The following ADGRV1 variants were observed in gnomAD, a reference collection of about 807,000 sequenced individuals.
ADGRV1 encodes adhesion G protein-coupled receptor V1.
A neutral mutation model predicts 596.2 loss-of-function variants in ADGRV1; 359 were observed. The ratio of observed to expected loss-of-function variants is 0.60; its 90% CI spans 0.55 to 0.66. The LOEUF is 0.66. Ranked by LOEUF, ADGRV1 falls within the 30% of genes least tolerant of loss-of-function variation. The pLI, the probability that ADGRV1 is intolerant of heterozygous loss-of-function variation, is 0.00. For synonymous variants in ADGRV1, 2,681 were observed against 2,679.2 expected (o/e 1.00, Z -0.02); for missense variants, 7,274 against 7,575.6 (o/e 0.96, Z 1.48).
chr5:90,730,029 C>T lies in ADGRV1; in HGVS notation c.10549+265C>T, dbSNP rs566405712. ...TACAGGCGTCCGCCACCATGTCTGG[C>T]TAATTTTTTTGTATTTTTAGTAGAG... On this transcript the variant is annotated intron_variant, in intron 50 of 89. Coordinates refer to ENST00000405460, the MANE Select transcript of ADGRV1 (RefSeq NM_032119.4). 4.6e-5 allele frequency among the ~76,000 whole-genome samples: 7 copies of T among 152,206 alleles called. No individual in the cohort carries two copies. In the South Asian group the frequency reaches 1.5e-3, roughly 32 times the overall value.
intron 88 of ADGRV1, among the ~76,000 whole-genome samples, chr5:91,152,663 T>C (rs1328686302): frequency 6.6e-6 from 1 of 152,084 alleles, no homozygotes; most frequent in Non-Finnish European, 1.5e-5. Context: ...TTTGTTTTGT[T>C]TTTGTTTTTG....
chr5:90,612,418 G>A (rs1382634783), intron 1 of ADGRV1, among the ~76,000 whole-genome samples: 1 of 152,038 alleles, frequency 6.6e-6, no homozygotes, highest in Non-Finnish European at 1.5e-5. Flanking sequence ...AGGTGGTGAT[G>A]TGTGATTTGT....
chr5:90,856,274 C>CA (rs1226177394), intron 82 of ADGRV1, among the ~76,000 whole-genome samples: 1 of 151,884 alleles, frequency 6.6e-6, no homozygotes, highest in Non-Finnish European at 1.5e-5. Flanking sequence ...AAAGAATTTT[C>CA]AAAAAAATAC....
At chr5:91,000,841 A>AG (rs1781800529) in intron 85 of ADGRV1, among the ~76,000 whole-genome samples, 1 of 152,076 alleles carries the variant, frequency 6.6e-6, no homozygotes, top group Non-Finnish European at 1.5e-5. Context: ...GGAAAAAAAA[A>AG]TGATGTCCCA....
intron 85 of ADGRV1, among the ~76,000 whole-genome samples, chr5:90,989,406 C>T (rs1220653481): frequency 6.6e-6 from 1 of 152,186 alleles, no homozygotes; most frequent in Non-Finnish European, 1.5e-5. Context: ...CTTTCTACTT[C>T]TTTCACCTTA....
rs535054958 is a variant in ADGRV1 at position 91,108,835 on chromosome 5, G to A, written c.18432+6495G>A. The stretch of plus-strand genomic sequence containing the variant: ...TGGTCTTGAACTCCTGGCCTCGAGT[G>A]ATCCTCCCACCTCAGCCTCCCAAAG... On this transcript the variant is annotated intron_variant, in intron 87 of 89. Coordinates refer to ENST00000405460, the MANE Select transcript of ADGRV1 (RefSeq NM_032119.4). 1.1e-4 allele frequency among the ~76,000 whole-genome samples: 17 copies of A among 152,176 alleles called. No homozygotes were observed. The South Asian group carries it at 3.5e-3, about 32-fold the overall frequency.
chr5:90,652,461 T>A lies in ADGRV1; in HGVS notation c.3532T>A (p.Phe1178Ile). 6.2e-7 allele frequency: 1 copy of A among 1,613,536 alleles called. No individual in the cohort carries two copies. The highest frequency in any genetic ancestry group is 8.5e-7 in the Non-Finnish European group (1 of 1,179,558). The change falls in exon 19 of 90, where the codon TTC becomes ATC. Residue 1178 changes from phenylalanine (F) to isoleucine (I), a missense_variant. Coordinates refer to ENST00000405460, the MANE Select transcript of ADGRV1 (RefSeq NM_032119.4). ...CTATGAAACTTCAGGAACTGTTAAC[T>A]TCATGGATGGAGAAGAAGCAAAACC... The part of the protein sequence containing the change: ...EFYETSGTVN[F>I]MDGEEAKPII...
chr5:90,683,652 G>A lies in ADGRV1; in HGVS notation c.5731G>A (p.Gly1911Ser), dbSNP rs1227906078. 1.9e-6 allele frequency: 3 copies of A among 1,613,116 alleles called. No homozygotes were observed. The highest frequency in any genetic ancestry group is 2.5e-6 in the Non-Finnish European group (3 of 1,179,370). The change falls in exon 28 of 90, where the codon GGT (glycine) becomes AGT (serine). Residue 1911 changes from glycine to serine, a missense_variant. Gly to Ser is a moderately conservative substitution (Grantham distance 56). This residue lies in a region of ADGRV1 where 3,643 missense variants were observed against 3,809.2 expected (regional missense o/e 0.96). Transcript: ENST00000405460. Reference sequence around the variant, plus strand: ...TTGGAACATAGACTCTGATCCTGATGGTGATCTCGCCTTCACCTCTGGCAA... The same window carrying A: ...TTGGAACATAGACTCTGATCCTGATAGTGATCTCGCCTTCACCTCTGGCAA... ...LHWNIDSDPDGDLAFTSGNIT... is the reference protein window; with the variant it reads ...LHWNIDSDPDSDLAFTSGNIT...
At position 90,653,957 on chromosome 5, in the gene ADGRV1, G is replaced by T; in HGVS notation, c.4378+5G>T. ...AAGGAGAAGCCATTACTGACGGTGA[G>T]GGTCATCATCACAACTAGGACACTG... On this transcript the variant is annotated splice_donor_5th_base_variant and intron_variant, in intron 20 of 89. Transcript: ENST00000405460. The T allele has an allele frequency of 6.4e-7, 1 of 1,553,480 alleles. No individual in the cohort carries two copies. The highest frequency in any genetic ancestry group is 1.2e-5 in the South Asian group (1 of 84,252).
rs201269639 is a variant in ADGRV1 at position 90,750,615 on chromosome 5, G to T, written c.11039G>T (p.Arg3680Leu). The T allele has an allele frequency of 6.2e-7, 1 of 1,612,006 alleles. No homozygotes were observed. The highest frequency in any genetic ancestry group is 8.5e-7 in the Non-Finnish European group (1 of 1,178,392). ...QDSLVTLNVERLKGTYGRITI... is the reference protein window; with the variant it reads ...QDSLVTLNVELLKGTYGRITI... ...AGCCTAGTAACCTTGAACGTTGAAC[G>T]CTTAAAAGGAACATATGGCCGTATA... is the stretch of plus-strand genomic sequence containing the variant. Residue 3680 changes from arginine (R) to leucine (L), a missense_variant, in exon 53 of 90, where the codon CGC becomes CTC. This residue lies in a region of ADGRV1 where 3,643 missense variants were observed against 3,809.2 expected (regional missense o/e 0.96). Coordinates refer to ENST00000405460, the MANE Select transcript of ADGRV1 (RefSeq NM_032119.4).
chr5:90,728,575 G>A (rs1752103316), intron 48 of ADGRV1, 94 bp from the exon 49 acceptor site: 2 of 1,020,088 alleles, frequency 2.0e-6, no homozygotes, highest in South Asian at 1.7e-5. Flanking sequence ...CTAAATAAAA[G>A]GATCCAAGAG....
At position 90,711,549 on chromosome 5, in the gene ADGRV1, T is replaced by G. The variant is rs1163356607; in HGVS notation, c.9042+227T>G. On this transcript the variant is annotated intron_variant, in intron 41 of 89. Coordinates refer to ENST00000405460, the MANE Select transcript of ADGRV1 (RefSeq NM_032119.4). ...TTACTATTCTAAATGTTATTCTGTA[T>G]GCATTAACTATTTCATTACAGTATT... 2.0e-5 allele frequency among the ~76,000 whole-genome samples: 3 copies of G among 152,210 alleles called. No individual in the cohort carries two copies. The East Asian group carries it at 5.8e-4, about 29-fold the overall frequency.
chr5:91,073,217 C>T (rs576889857), intron 86 of ADGRV1, among the ~76,000 whole-genome samples: 1 of 152,176 alleles, frequency 6.6e-6, no homozygotes, highest in East Asian at 1.9e-4. Context: ...CAGGAATTTT[C>T]TTAACTAGAA....
At chr5:90,905,164 G>A (rs1341917050) in intron 83 of ADGRV1, among the ~76,000 whole-genome samples, 2 of 152,010 alleles carry the variant, frequency 1.3e-5, no homozygotes, top group Non-Finnish European at 2.9e-5. Context: ...TTCAAATCAG[G>A]TAATGTAATT....
intron 83 of ADGRV1, among the ~76,000 whole-genome samples, chr5:90,891,189 TTA>T (rs1367725074): frequency 6.8e-6 from 1 of 147,962 alleles, no homozygotes; most frequent in Non-Finnish European, 1.5e-5. Flanking sequence ...TATATATTAT[TTA>T]TATATATTAT....
chr5:90,810,139 GAGC>G (rs1762302240), intron 73 of ADGRV1, 91 bp from the exon 74 acceptor site: 2 of 1,032,134 alleles, frequency 1.9e-6, no homozygotes, highest in Non-Finnish European at 2.8e-6. Flanking sequence ...CTGCCCTCAT[GAGC>G]AGCATTTTAA....
intron 70 of ADGRV1, among the ~76,000 whole-genome samples, chr5:90,796,287 C>G (rs1046038007): frequency 2.6e-5 from 4 of 151,938 alleles, no homozygotes; most frequent in African/African-American, 9.7e-5. Context: ...ACATAAATGA[C>G]CTGATGGAGC....
At chr5:90,732,395 A>G (rs967421170) in intron 50 of ADGRV1, among the ~76,000 whole-genome samples, 6 of 152,206 alleles carry the variant, frequency 3.9e-5, no homozygotes, top group African/African-American at 9.6e-5. Flanking sequence ...TGATATACAT[A>G]TAATGATATG....
At chr5:90,662,127 A>G (rs1284778991) in intron 21 of ADGRV1, among the ~76,000 whole-genome samples, 1 of 151,978 alleles carries the variant, frequency 6.6e-6, no homozygotes, top group East Asian at 1.9e-4. Context: ...GTCACAGTGT[A>G]CTAGCTTCAA....
Sources: gnomAD v4.1 joint callset for allele counts (sites outside exome capture counted in the v4.1 genomes callset) on GRCh38, gnomAD v4.1.1 for gene constraint, gnomAD v4.1.1 regional missense constraint, MANE v1.5 for transcripts, NCBI Gene and HGNC (gene_info 2026-07-23, HGNC 2026-07-21) for gene names.